The following CNTNAP3B variants were observed in gnomAD, a reference collection of about 807,000 sequenced individuals.
CNTNAP3B encodes contactin-associated protein-like 3B.
CNTNAP3B carries 25 observed loss-of-function variants against 108.9 expected under a neutral mutation model. The ratio of observed to expected loss-of-function variants is 0.23; its 90% CI spans 0.17 to 0.32. CNTNAP3B has a LOEUF of 0.32. Ranked by LOEUF, CNTNAP3B falls within the 10% of genes least tolerant of loss-of-function variation. The probability of loss-of-function intolerance (pLI) is 1.00; values close to 1 mark genes in which losing one functional copy is unlikely to be tolerated. For synonymous variants in CNTNAP3B, 103 were observed against 473.4 expected (o/e 0.22, Z 10.16); for missense variants, 252 against 1,210.4 (o/e 0.21, Z 11.75).
chr9:41,986,603 C>T (rs1333906922), intron 8 of CNTNAP3B, among the ~76,000 whole-genome samples: 1 of 151,118 alleles, frequency 6.6e-6, no homozygotes, highest in Non-Finnish European at 1.5e-5. Context: ...GAAGCCTTTA[C>T]AATGGGATAA....
At chr9:42,125,810 G>A (rs1391446708) in intron 1 of CNTNAP3B, among the ~76,000 whole-genome samples, 1 of 131,684 alleles carries the variant, frequency 7.6e-6, no homozygotes, top group East Asian at 2.3e-4. Context: ...TAGAGGCAGG[G>A]TTTCACCGTG....
intron 1 of CNTNAP3B, among the ~76,000 whole-genome samples, chr9:42,128,125 G>A (rs1335720993): frequency 7.2e-6 from 1 of 138,076 alleles, no homozygotes. Context: ...AAAGAAAGAC[G>A]ACTCTCTGAT....
chr9:41,990,614 C>T, intron 8 of CNTNAP3B, among the ~76,000 whole-genome samples: 1 of 132,934 alleles, frequency 7.5e-6, no homozygotes, highest in African/African-American at 3.0e-5. Flanking sequence ...TCCCCCTGGT[C>T]TCAAGCAGAA....
At position 42,068,002 on chromosome 9, in the gene CNTNAP3B, C is replaced by T. The variant is rs1379807863; in HGVS notation, c.390+8867G>A. On this transcript the variant is annotated intron_variant, in intron 3 of 23. Coordinates refer to ENST00000377561, the MANE Select transcript of CNTNAP3B (RefSeq NM_001201380.3). Reference sequence around the variant, plus strand: ...TAATTTATCACTATAGCCAAAGTTTCAGTGTAGAAAAACACCCCTGCTCAT... The same window carrying T: ...TAATTTATCACTATAGCCAAAGTTTTAGTGTAGAAAAACACCCCTGCTCAT... Among the ~76,000 whole-genome samples the T allele has an allele frequency of 2.2e-5, 3 of 139,116 alleles. 1 individual carries two copies. Among genetic ancestry groups the T allele is most frequent in the African/African-American group, 8.6e-5 (3 of 34,966 alleles). The allele number at this position is 139,116 out of a possible 152,430, so 91.3% of individuals were successfully genotyped here.
At chr9:42,056,326 T>TTTATTA (rs199830117) in intron 3 of CNTNAP3B, among the ~76,000 whole-genome samples, 2,555 of 128,900 alleles carry the variant, frequency 0.02, 72 homozygotes, top group African/African-American at 0.044. Flanking sequence ...TCTCATGAAT[T>TTTATTA]TTATTATTAT....
rs374890794 is a variant in CNTNAP3B at position 41,956,544 on chromosome 9, A to G, written c.1877-3158T>C. Among the ~76,000 whole-genome samples the G allele has an allele frequency of 5.9e-5, 9 of 152,126 alleles. No individual in the cohort carries two copies. The East Asian group carries it at 9.7e-4, about 16-fold the overall frequency. On this transcript the variant is annotated intron_variant, in intron 12 of 23. Coordinates refer to ENST00000377561, the MANE Select transcript of CNTNAP3B (RefSeq NM_001201380.3). ...CAGTATATCATATGAAATCCCCAGC[A>G]TCTGGTATACCCATTCCTATATGTC...
intron 14 of CNTNAP3B, among the ~76,000 whole-genome samples, chr9:41,934,770 T>C (rs1824103257): frequency 6.6e-6 from 1 of 152,236 alleles, no homozygotes; most frequent in Non-Finnish European, 1.5e-5. Flanking sequence ...ATAGCTTCTT[T>C]AAAAATCCAA....
At chr9:41,913,566 C>T (rs1291386805) in intron 18 of CNTNAP3B, among the ~76,000 whole-genome samples, 11 of 140,392 alleles carry the variant, frequency 7.8e-5, no homozygotes, top group Non-Finnish European at 1.7e-4. Flanking sequence ...ATATGAAATT[C>T]AGTAGCATTA....
At chr9:41,954,801 A>G (rs1453588384) in intron 12 of CNTNAP3B, among the ~76,000 whole-genome samples, 1 of 152,246 alleles carries the variant, frequency 6.6e-6, no homozygotes, top group East Asian at 1.9e-4. Context: ...CTCCTGTCTC[A>G]GCCTCACAAG....
chr9:42,064,974 A>G (rs1293192434), intron 3 of CNTNAP3B, among the ~76,000 whole-genome samples: 1 of 147,286 alleles, frequency 6.8e-6, no homozygotes, highest in Non-Finnish European at 1.5e-5. Flanking sequence ...ATATCTACCC[A>G]GTAATGGGAT....
At chr9:41,963,047 C>G (rs1296759881) in intron 11 of CNTNAP3B, among the ~76,000 whole-genome samples, 2 of 152,252 alleles carry the variant, frequency 1.3e-5, no homozygotes, top group Non-Finnish European at 2.9e-5. Flanking sequence ...CTTCATGCTT[C>G]AATCTGTGAG....
At chr9:42,026,775 C>A (rs1410231166) in intron 3 of CNTNAP3B, among the ~76,000 whole-genome samples, 3 of 135,772 alleles carry the variant, frequency 2.2e-5, no homozygotes, top group Non-Finnish European at 4.7e-5. Flanking sequence ...GACCTGTGAG[C>A]CTGTATTACA....
chr9:41,913,604 C>T (rs1424777689), intron 18 of CNTNAP3B, among the ~76,000 whole-genome samples: 1 of 140,792 alleles, frequency 7.1e-6, no homozygotes, highest in African/African-American at 2.8e-5. Flanking sequence ...GTGCAATTAT[C>T]ACCTCTTTTG....
At chr9:42,036,465 A>G (rs1206753876) in intron 3 of CNTNAP3B, among the ~76,000 whole-genome samples, 1 of 138,956 alleles carries the variant, frequency 7.2e-6, no homozygotes, top group Non-Finnish European at 1.5e-5. Context: ...ATACTTTTTA[A>G]GATCGAACTG....
At chr9:41,934,790 A>G (rs1177450044) in intron 14 of CNTNAP3B, among the ~76,000 whole-genome samples, 31 of 152,278 alleles carry the variant, frequency 2.0e-4, no homozygotes, top group Middle Eastern at 3.2e-3. Flanking sequence ...ATATGATAAA[A>G]TCTAATATCT....
intron 14 of CNTNAP3B, among the ~76,000 whole-genome samples, chr9:41,930,481 T>A (rs1230677013): frequency 4.8e-4 from 73 of 152,330 alleles, no homozygotes; most frequent in African/African-American, 1.8e-3. Context: ...AGGTAGAGGC[T>A]GTAGTGAGCC....
chr9:42,072,901 G>A lies in CNTNAP3B; in HGVS notation c.390+3968C>T, dbSNP rs999135278. 1.1e-4 allele frequency among the ~76,000 whole-genome samples: 14 copies of A among 132,996 alleles called. 4 individuals are homozygous for A. The highest frequency in any genetic ancestry group is 4.3e-4 in the African/African-American group (14 of 32,714). 87.3% of individuals were successfully genotyped at this position (132,996 alleles called of 152,430 possible). ...CATACTGTGTATACACCAAATATGA[G>A]TGACTAGGTGGTAATCACATATGTT... On this transcript the variant is annotated intron_variant, in intron 3 of 23. Transcript: ENST00000377561.
At position 42,086,398 on chromosome 9, in the gene CNTNAP3B, A is replaced by T. The variant is rs528470539; in HGVS notation, c.197-9336T>A. 7.1e-3 allele frequency among the ~76,000 whole-genome samples: 713 copies of T among 100,016 alleles called. 62 individuals carry two copies. Among genetic ancestry groups the T allele is most frequent in the Non-Finnish European group, 9.2e-3 (441 of 47,868 alleles). The allele number at this position is 100,016 out of a possible 152,430, so 65.6% of individuals were successfully genotyped here. On this transcript the variant is annotated intron_variant, in intron 2 of 23. Coordinates refer to ENST00000377561, the MANE Select transcript of CNTNAP3B (RefSeq NM_001201380.3). ...GCTATGAATATATATATATATATAAATTTTTTTTACATTTTTTACATTTTT... is the reference window on the plus strand; with the variant it reads ...GCTATGAATATATATATATATATAATTTTTTTTTACATTTTTTACATTTTT...
intron 13 of CNTNAP3B, among the ~76,000 whole-genome samples, chr9:41,941,524 G>A (rs1266078549): frequency 1.3e-5 from 2 of 149,354 alleles, no homozygotes; most frequent in African/African-American, 2.5e-5. Context: ...TTAAAAAAAT[G>A]AGGCAAAAAT....
Sources: gnomAD v4.1 joint callset for allele counts (sites outside exome capture counted in the v4.1 genomes callset) on GRCh38, gnomAD v4.1.1 for gene constraint, MANE v1.5 for transcripts, NCBI Gene and HGNC (gene_info 2026-07-23, HGNC 2026-07-21) for gene names.